NEGR1: variants seen among roughly 807,000 people sequenced by gnomAD.
NEGR1 encodes the protein neuronal growth regulator 1.
NEGR1 carries 10 observed loss-of-function variants against 40.9 expected under a neutral mutation model. The ratio of observed to expected loss-of-function variants is 0.24; its 90% CI spans 0.15 to 0.42. NEGR1 has a LOEUF of 0.42. Among genes scored for constraint, NEGR1 ranks in the 10% least tolerant of loss-of-function variants. The probability of loss-of-function intolerance (pLI) is 1.00; values close to 1 mark genes in which losing one functional copy is unlikely to be tolerated. For synonymous variants in NEGR1, 185 were observed against 166.8 expected, an observed-to-expected ratio of 1.11 and a Z score of -0.84; for missense variants, 352 against 438.9, an observed-to-expected ratio of 0.80 and a Z score of 1.77.
intron 6 of NEGR1, chr1:71,571,085 G>T (rs1648794339): frequency 6.6e-6 from 1 of 152,192 alleles, no homozygotes; most frequent in South Asian, 2.1e-4. Flanking sequence ...ATTAAACATA[G>T]ATTAATGGGT....
intron 6 of NEGR1, among the ~76,000 whole-genome samples, chr1:71,500,246 T>G (rs1046456905): frequency 6.6e-6 from 1 of 152,046 alleles, no homozygotes; most frequent in Non-Finnish European, 1.5e-5. Flanking sequence ...AGTTTTTTTT[T>G]CCAGCTATGA....
rs1277585245 is a variant in NEGR1 at position 72,157,202 on chromosome 1, C to G, written c.176+125117G>C. On this transcript the variant is annotated intron_variant, in intron 1 of 6. Transcript: ENST00000357731. ...CTCAGGCCGGCCTCAAACCCCTGGCCTCAAGTGATCCTCCTGCTTTGGCCT... is the reference window on the plus strand; with the variant it reads ...CTCAGGCCGGCCTCAAACCCCTGGCGTCAAGTGATCCTCCTGCTTTGGCCT... Among the ~76,000 whole-genome samples, 3 of 152,096 alleles carry G rather than the reference C, an allele frequency of 2.0e-5. No homozygotes were observed. The East Asian group carries it at 5.8e-4, about 29-fold the overall frequency.
intron 3 of NEGR1, among the ~76,000 whole-genome samples, chr1:71,734,524 C>T (rs1409929999): frequency 2.6e-5 from 4 of 152,126 alleles, no homozygotes; most frequent in Non-Finnish European, 4.4e-5. Context: ...TCCTTTCTTT[C>T]TCCTATGTTA....
At chr1:71,799,980 G>C (rs1232445050) in intron 2 of NEGR1, among the ~76,000 whole-genome samples, 1 of 152,088 alleles carries the variant, frequency 6.6e-6, no homozygotes, top group Non-Finnish European at 1.5e-5. Context: ...CCAAAGTGCT[G>C]GGATTACATG....
intron 1 of NEGR1, among the ~76,000 whole-genome samples, chr1:72,173,198 G>T (rs796532579): frequency 2.7e-5 from 4 of 150,802 alleles, no homozygotes; most frequent in Admixed American, 6.7e-5. Flanking sequence ...TATAGAGACA[G>T]GGTTTTGCCA....
At chr1:71,430,989 C>T (rs1047192962) in intron 6 of NEGR1, among the ~76,000 whole-genome samples, 7 of 151,894 alleles carry the variant, frequency 4.6e-5, no homozygotes, top group African/African-American at 7.3e-5. Context: ...CCTCGTGATC[C>T]GCCCACCTCG....
chr1:71,847,939 A>G (rs918603377), intron 2 of NEGR1, among the ~76,000 whole-genome samples: 1 of 152,230 alleles, frequency 6.6e-6, no homozygotes, highest in Non-Finnish European at 1.5e-5. Context: ...ACATTCTTGA[A>G]GAAAATTAAA....
chr1:71,483,895 A>G (rs915211437), intron 6 of NEGR1, among the ~76,000 whole-genome samples: 1 of 151,784 alleles, frequency 6.6e-6, no homozygotes, highest in Non-Finnish European at 1.5e-5. Context: ...AGGTTTTTAA[A>G]ATGTCATTTT....
At chr1:71,595,028 T>C (rs72940397) in intron 5 of NEGR1, among the ~76,000 whole-genome samples, 2,039 of 152,326 alleles carry the variant, frequency 0.013, 49 homozygotes, top group African/African-American at 0.047. Flanking sequence ...TCCATGGCAC[T>C]ATATGCTTAT....
At chr1:72,153,822 A>C (rs12096273) in intron 1 of NEGR1, among the ~76,000 whole-genome samples, 6,420 of 152,006 alleles carry the variant, frequency 0.042, 446 homozygotes, top group African/African-American at 0.15. Context: ...AAAATCTACT[A>C]ACTCACGGTA....
At chr1:71,571,337 CACAAGT>C (rs1166612678) in intron 6 of NEGR1, among the ~76,000 whole-genome samples, 2 of 152,162 alleles carry the variant, frequency 1.3e-5, no homozygotes, top group Admixed American at 6.5e-5. Flanking sequence ...TTCTCTGAAG[CACAAGT>C]ACATCTATTA....
chr1:72,163,180 C>T (rs554159131), intron 1 of NEGR1, among the ~76,000 whole-genome samples: 181 of 152,082 alleles, frequency 1.2e-3, no homozygotes, highest in Non-Finnish European at 2.1e-4. Context: ...GCTGCCATCC[C>T]GAATTTAATT....
At chr1:71,564,357 C>T (rs1056902650) in intron 6 of NEGR1, among the ~76,000 whole-genome samples, 1 of 152,154 alleles carries the variant, frequency 6.6e-6, no homozygotes, top group Non-Finnish European at 1.5e-5. Flanking sequence ...AAAAATCATA[C>T]ATATGTTAAG....
At chr1:71,440,431 A>T (rs939991689) in intron 6 of NEGR1, among the ~76,000 whole-genome samples, 1 of 152,204 alleles carries the variant, frequency 6.6e-6, no homozygotes, top group African/African-American at 2.4e-5. Context: ...CCAAAACATA[A>T]ATTCTACTAA....
chr1:71,864,382 T>A (rs1408822275), intron 2 of NEGR1, among the ~76,000 whole-genome samples: 2 of 152,140 alleles, frequency 1.3e-5, no homozygotes, highest in Non-Finnish European at 2.9e-5. Context: ...GGCTAGAGTT[T>A]AAACTTAATA....
chr1:71,992,604 T>G (rs1215215210), intron 1 of NEGR1, among the ~76,000 whole-genome samples: 1 of 152,348 alleles, frequency 6.6e-6, no homozygotes, highest in Non-Finnish European at 1.5e-5. Flanking sequence ...TGGAACCCTT[T>G]TTATATGCAG....
chr1:71,512,784 C>G (rs951640755), intron 6 of NEGR1, among the ~76,000 whole-genome samples: 1 of 152,106 alleles, frequency 6.6e-6, no homozygotes, highest in South Asian at 2.1e-4. Context: ...GTTCCACTCT[C>G]TTGGTCAGGT....
chr1:71,688,818 T>C (rs1403328606), intron 4 of NEGR1, among the ~76,000 whole-genome samples: 2 of 152,196 alleles, frequency 1.3e-5, no homozygotes, highest in Non-Finnish European at 2.9e-5. Flanking sequence ...TCATTGGCCT[T>C]GCAGCAGTCA....
At chr1:71,473,462 A>G (rs1646796793) in intron 6 of NEGR1, among the ~76,000 whole-genome samples, 1 of 152,094 alleles carries the variant, frequency 6.6e-6, no homozygotes, top group Non-Finnish European at 1.5e-5. Flanking sequence ...TCATAAAACA[A>G]CTGGGAGTAA....
Sources: gnomAD v4.1 joint callset for allele counts (sites outside exome capture counted in the v4.1 genomes callset) on GRCh38, gnomAD v4.1.1 for gene constraint, MANE v1.5 for transcripts, NCBI Gene and HGNC (gene_info 2026-07-23, HGNC 2026-07-21) for gene names.